The following USH2A variants were observed in gnomAD, a reference collection of about 807,000 sequenced individuals.
USH2A encodes the protein Usher syndrome 2A (autosomal recessive, mild).
Under a neutral mutation model 538.9 loss-of-function variants are expected in USH2A, and 443 were observed. That is an observed-to-expected ratio of 0.82 (90% confidence interval 0.76 to 0.89). The LOEUF is 0.89. Among genes scored for constraint, USH2A ranks in the 40% least tolerant of loss-of-function variants. USH2A has a pLI of 0.00. For missense variants in USH2A, 6,633 were observed against 6,324.8 expected (o/e 1.05, Z -1.65); for synonymous variants, 2,413 against 2,273.5 (o/e 1.06, Z -1.75).
intron 11 of USH2A, among the ~76,000 whole-genome samples, chr1:216,275,210 A>G (rs1478368072): frequency 1.3e-5 from 2 of 152,056 alleles, no homozygotes; most frequent in Non-Finnish European, 2.9e-5. Context: ...TGTGTAAAAG[A>G]TGCAGGTAAT....
intron 40 of USH2A, among the ~76,000 whole-genome samples, chr1:215,897,554 T>C (rs1665380524): frequency 6.6e-6 from 1 of 151,900 alleles, no homozygotes. Flanking sequence ...CTGGGTGTGG[T>C]GGTGGGCATC....
At chr1:216,128,091 GA>G (rs1391628045) in intron 21 of USH2A, among the ~76,000 whole-genome samples, 1 of 152,070 alleles carries the variant, frequency 6.6e-6, no homozygotes, top group East Asian at 1.9e-4. Context: ...CTTTTATGAG[GA>G]AAATGTAGAT....
chr1:216,169,412 T>C (rs946615352), intron 21 of USH2A, among the ~76,000 whole-genome samples: 3 of 152,096 alleles, frequency 2.0e-5, no homozygotes, highest in African/African-American at 7.2e-5. Flanking sequence ...AACACATGCA[T>C]TCTTAAATTG....
chr1:216,175,741 A>G (rs2034364949), intron 20 of USH2A, among the ~76,000 whole-genome samples: 1 of 152,134 alleles, frequency 6.6e-6, no homozygotes, highest in African/African-American at 2.4e-5. Flanking sequence ...TAACTTCTCT[A>G]TTCTTTTTAG....
chr1:216,220,335 A>G (rs770813998), intron 14 of USH2A, among the ~76,000 whole-genome samples: 15 of 151,188 alleles, frequency 9.9e-5, no homozygotes, highest in Admixed American at 2.7e-4. Context: ...TGGAATAAAC[A>G]TCAAGGATGT....
chr1:216,072,662 G>A, intron 29 of USH2A: 5 of 569,178 alleles, frequency 8.8e-6, no homozygotes, highest in South Asian at 5.9e-5. Flanking sequence ...CATCCTAAGA[G>A]GAAAGGATCA....
intron 32 of USH2A, among the ~76,000 whole-genome samples, chr1:216,004,001 G>A (rs1030894648): frequency 6.6e-6 from 1 of 152,162 alleles, no homozygotes; most frequent in Non-Finnish European, 1.5e-5. Flanking sequence ...CCAGTGCATT[G>A]TAGGTAGAGT....
chr1:216,137,366 C>T (rs963099525), intron 21 of USH2A, among the ~76,000 whole-genome samples: 1 of 152,102 alleles, frequency 6.6e-6, no homozygotes, highest in Admixed American at 6.5e-5. Context: ...AGGTGAAAGG[C>T]ACTTCTTACG....
chr1:215,999,583 G>T (rs1376521707), intron 33 of USH2A, among the ~76,000 whole-genome samples: 1 of 152,108 alleles, frequency 6.6e-6, no homozygotes, highest in African/African-American at 2.4e-5. Flanking sequence ...ATAGGTAGAA[G>T]GAAGAACAGA....
chr1:216,239,703 T>C (rs774677466), intron 13 of USH2A, among the ~76,000 whole-genome samples: 2 of 152,076 alleles, frequency 1.3e-5, no homozygotes, highest in African/African-American at 2.4e-5. Flanking sequence ...TGAGAAGTGA[T>C]GGAAGAAAGA....
At chr1:215,980,318 T>C (rs1194183500) in intron 35 of USH2A, among the ~76,000 whole-genome samples, 1 of 152,128 alleles carries the variant, frequency 6.6e-6, no homozygotes, top group Non-Finnish European at 1.5e-5. Context: ...TTGGCCAGTG[T>C]TATACAGCTA....
chr1:216,240,187 A>C (rs1044126468), intron 13 of USH2A, among the ~76,000 whole-genome samples: 2 of 152,178 alleles, frequency 1.3e-5, no homozygotes, highest in African/African-American at 4.8e-5. Context: ...TTCCGAAGTC[A>C]GATATAAGGT....
At position 215,675,460 on chromosome 1, in the gene USH2A, C is replaced by G. The variant is rs747947192; in HGVS notation, c.12451G>C (p.Asp4151His). The G allele has an allele frequency of 8.1e-6, 13 of 1,614,068 alleles. No individual in the cohort carries two copies. Among genetic ancestry groups the G allele is most frequent in the Middle Eastern group, 3.3e-4 (2 of 6,062 alleles). ...AHSAPQPLWT[D>H]EAPPDSQLAP... The stretch of plus-strand genomic sequence containing the variant: ...AGCTGAGAGTCTGGAGGGGCTTCAT[C>G]TGTCCACAGAGGCTGAGGCGCCGAG... Residue 4151 changes from aspartate (D) to histidine (H), a missense_variant, in exon 63 of 72, where the codon GAT becomes CAT. Transcript: ENST00000307340.
In USH2A at chr1:215,625,461, T is replaced by C. The variant is rs1368943169; in HGVS notation, c.*320A>G. ...CTAACAACTGTGAGCCATCTTGAAA[T>C]TGCCACTGATTATTCAGTTAACCAG... On this transcript the variant is annotated 3_prime_UTR_variant, in exon 72 of 72. Coordinates refer to ENST00000307340, the MANE Select transcript of USH2A (RefSeq NM_206933.4). The C allele has an allele frequency of 5.2e-6, 2 of 381,500 alleles. No individual in the cohort carries two copies. The highest frequency in any genetic ancestry group is 1.2e-4 in the East Asian group (2 of 17,052). The allele number at this position is 381,500 out of a possible 1,614,324, so 23.6% of individuals were successfully genotyped here.
intron 35 of USH2A, among the ~76,000 whole-genome samples, chr1:215,988,576 C>G (rs1245981893): frequency 2.0e-5 from 3 of 146,732 alleles, no homozygotes; most frequent in Non-Finnish European, 4.4e-5. Flanking sequence ...TTTGAGGAAC[C>G]TCTACACTAC....
chr1:216,263,230 T>G (rs1211912767), intron 11 of USH2A, among the ~76,000 whole-genome samples: 2 of 152,142 alleles, frequency 1.3e-5, no homozygotes, highest in African/African-American at 2.4e-5. Flanking sequence ...TTTCTTAAAC[T>G]ATTCCAAAAA....
chr1:216,061,188 A>G (rs764013455), intron 30 of USH2A, among the ~76,000 whole-genome samples: 12 of 152,188 alleles, frequency 7.9e-5, no homozygotes, highest in Non-Finnish European at 1.3e-4. Context: ...TAATCCTCTG[A>G]TAGACAAATT....
In USH2A at chr1:215,759,700, C is replaced by G. The variant is rs150264392; in HGVS notation, c.11191G>C (p.Glu3731Gln). The change falls in exon 57 of 72, where the codon GAG becomes CAG. Residue 3731 changes from glutamate (E) to glutamine (Q), a missense_variant. Glu to Gln is a conservative substitution (Grantham distance 29). Transcript: ENST00000307340. The part of the protein sequence containing the change: ...GNLLFLGGSE[E>Q]QNFTDKNLEP... The stretch of plus-strand genomic sequence containing the variant: ...AGGTTTTTATCAGTGAAATTCTGCT[C>G]CTCACTGCCACCCAGGAAAAGCAAG... 4.3e-4 allele frequency: 686 copies of G among 1,613,988 alleles called. 7 individuals are homozygous for G. In the African/African-American group the frequency reaches 7.3e-3, roughly 17 times the overall value.
chr1:216,290,230 A>G (rs1223317951), intron 10 of USH2A, among the ~76,000 whole-genome samples: 2 of 152,196 alleles, frequency 1.3e-5, no homozygotes, highest in African/African-American at 2.4e-5. Context: ...AATTTCTCCA[A>G]TATTTGAAGA....
Sources: allele counts gnomAD v4.1 joint callset (sites outside exome capture counted in the v4.1 genomes callset), GRCh38; gene constraint gnomAD v4.1.1; transcripts MANE v1.5; gene names NCBI Gene and HGNC (gene_info 2026-07-23, HGNC 2026-07-21).